The following PTPRM variants were observed in gnomAD, a reference collection of about 807,000 sequenced individuals.
The protein encoded by PTPRM is receptor-type tyrosine-protein phosphatase mu.
Under a neutral mutation model 186.7 loss-of-function variants are expected in PTPRM, and 47 were observed. The ratio of observed to expected loss-of-function variants is 0.25; its 90% CI spans 0.20 to 0.32. The LOEUF (loss-of-function observed/expected upper bound fraction) is 0.32. Ranked by LOEUF, PTPRM falls within the 10% of genes least tolerant of loss-of-function variation. The pLI, the probability that PTPRM is intolerant of heterozygous loss-of-function variation, is 1.00. For missense variants in PTPRM, 1,494 were observed against 1,865.0 expected, an observed-to-expected ratio of 0.80 and a Z score of 3.66; for synonymous variants, 668 against 674.9, an observed-to-expected ratio of 0.99 and a Z score of 0.16.
At chr18:8,306,894 C>T (rs1038811517) in intron 20 of PTPRM, among the ~76,000 whole-genome samples, 1 of 152,108 alleles carries the variant, frequency 6.6e-6, no homozygotes, top group Non-Finnish European at 1.5e-5. Context: ...TCAAGAGTAC[C>T]CCAAGGAATA....
intron 24 of PTPRM, chr18:8,371,669 A>T: frequency 6.5e-6 from 1 of 152,814 alleles, no homozygotes; most frequent in Non-Finnish European, 1.5e-5. Flanking sequence ...GCCCTGCCTC[A>T]TCCCATGTGC....
At chr18:7,717,914 C>A (rs1023924693) in intron 1 of PTPRM, among the ~76,000 whole-genome samples, 2 of 152,134 alleles carry the variant, frequency 1.3e-5, no homozygotes, top group African/African-American at 4.8e-5. Context: ...ACTCCAGTTC[C>A]CGCACCTGTT....
intron 14 of PTPRM, among the ~76,000 whole-genome samples, chr18:8,222,979 T>C (rs4563098): frequency 0.31 from 47,116 of 151,892 alleles, 8,539 homozygotes; most frequent in East Asian, 0.71. Context: ...TCCCAACTCT[T>C]TGGGAGGCTG....
chr18:7,910,268 A>G (rs932543956), intron 4 of PTPRM, among the ~76,000 whole-genome samples: 2 of 152,198 alleles, frequency 1.3e-5, no homozygotes, highest in African/African-American at 2.4e-5. Context: ...CCCACTACCC[A>G]TTAATAGTCA....
chr18:7,761,323 T>A (rs1027252972), intron 1 of PTPRM, among the ~76,000 whole-genome samples: 7 of 152,218 alleles, frequency 4.6e-5, no homozygotes, highest in Non-Finnish European at 1.0e-4. Context: ...ATTAACTACT[T>A]GTATGTTTCA....
At position 8,244,164 on chromosome 18, in the gene PTPRM, G is replaced by A. The variant is rs754414099; in HGVS notation, c.2407G>A (p.Asp803Asn). The change falls in exon 15 of 33, where the codon GAC (aspartate) becomes AAC (asparagine). Residue 803 changes from aspartate to asparagine, a missense_variant. Physicochemically the swap from Asp to Asn is conservative, Grantham distance 23. Around this residue, in one of 3 missense-constraint regions of PTPRM, gnomAD observed 1,107 missense variants for 1,350.2 expected, o/e 0.82. Coordinates refer to ENST00000580170, the MANE Select transcript of PTPRM (RefSeq NM_001105244.2). ...KSYAEQGTNCDEAFSFMDTHN... is the reference protein window; with the variant it reads ...KSYAEQGTNCNEAFSFMDTHN... ...CTATGCTGAGCAGGGCACAAACTGC[G>A]ACGAGGCTTTCTCATTCATGGACAC... The A allele has an allele frequency of 1.3e-5, 21 of 1,597,110 alleles. No homozygotes were observed. In the South Asian group the frequency reaches 2.0e-4, roughly 15 times the overall value.
intron 1 of PTPRM, among the ~76,000 whole-genome samples, chr18:7,574,033 A>G (rs1057263522): frequency 2.0e-5 from 3 of 152,176 alleles, no homozygotes; most frequent in Non-Finnish European, 2.9e-5. Context: ...CAAGCCCCCC[A>G]TGGGATTCTG....
chr18:7,593,977 C>G (rs980887154), intron 1 of PTPRM, among the ~76,000 whole-genome samples: 1 of 151,924 alleles, frequency 6.6e-6, no homozygotes. Context: ...TTCTTAGGTC[C>G]GATGTAATAT....
chr18:8,253,789 A>T (rs1011514969), intron 19 of PTPRM, among the ~76,000 whole-genome samples: 1 of 152,168 alleles, frequency 6.6e-6, no homozygotes, highest in Non-Finnish European at 1.5e-5. Flanking sequence ...TGATAGTAAA[A>T]CTTGTTACCA....
Position 7,860,811 on chromosome 18 carries a change from G to A in PTPRM, c.197-27295G>A, listed in dbSNP as rs557006768. 5.9e-5 allele frequency among the ~76,000 whole-genome samples: 9 copies of A among 152,248 alleles called. No homozygotes were observed. The South Asian group carries it at 1.9e-3, about 32-fold the overall frequency. On this transcript the variant is annotated intron_variant, in intron 2 of 32. Transcript: ENST00000580170. The stretch of plus-strand genomic sequence containing the variant: ...GGGGATTGTGATGCTCTTGAGCAAG[G>A]TAGAGGCCCACTCCCTACTCTGTCT...
At chr18:8,149,408 C>T (rs139335397) in intron 14 of PTPRM, among the ~76,000 whole-genome samples, 1 of 151,992 alleles carries the variant, frequency 6.6e-6, no homozygotes, top group African/African-American at 2.4e-5. Flanking sequence ...TTATGTAATG[C>T]CCTTCTTTGT....
intron 13 of PTPRM, among the ~76,000 whole-genome samples, chr18:8,129,929 T>A (rs1940108547): frequency 6.6e-6 from 1 of 152,112 alleles, no homozygotes; most frequent in African/African-American, 2.4e-5. Context: ...AAAAGCACAG[T>A]CCTTAGAGGA....
At chr18:8,313,968 TAGCC>T (rs2095288879) in intron 20 of PTPRM, among the ~76,000 whole-genome samples, 1 of 152,044 alleles carries the variant, frequency 6.6e-6, no homozygotes, top group African/African-American at 2.4e-5. Flanking sequence ...GTGGGCAACA[TAGCC>T]AGACCCCATT....
chr18:8,069,108 T>C (rs1350386284), intron 7 of PTPRM, among the ~76,000 whole-genome samples: 1 of 26,618 alleles, frequency 3.8e-5, no homozygotes, highest in Non-Finnish European at 6.4e-5. Context: ...AGACTCCGTC[T>C]CAAAAAAAAA....
intron 7 of PTPRM, among the ~76,000 whole-genome samples, chr18:8,048,771 A>T (rs1221084226): frequency 6.6e-6 from 1 of 152,198 alleles, no homozygotes; most frequent in Non-Finnish European, 1.5e-5. Context: ...ACAGGTAAAA[A>T]TATTTTAAGT....
At chr18:8,160,812 G>T (rs1294721421) in intron 14 of PTPRM, among the ~76,000 whole-genome samples, 2 of 152,198 alleles carry the variant, frequency 1.3e-5, no homozygotes, top group African/African-American at 2.4e-5. Flanking sequence ...CTCCAAGGGT[G>T]TTTGATAAGC....
At chr18:7,842,725 C>G (rs2046382944) in intron 2 of PTPRM, among the ~76,000 whole-genome samples, 1 of 151,584 alleles carries the variant, frequency 6.6e-6, no homozygotes, top group East Asian at 1.9e-4. Flanking sequence ...TTTGGACTTG[C>G]CAGCCCCACC....
intron 19 of PTPRM, among the ~76,000 whole-genome samples, chr18:8,265,386 A>G (rs2094688017): frequency 6.6e-6 from 1 of 152,214 alleles, no homozygotes; most frequent in Non-Finnish European, 1.5e-5. Flanking sequence ...AGCTCTTGAG[A>G]GCCGTAGATT....
intron 1 of PTPRM, among the ~76,000 whole-genome samples, chr18:7,667,616 CT>C (rs2039125993): frequency 6.6e-6 from 1 of 152,132 alleles, no homozygotes; most frequent in African/African-American, 2.4e-5. Context: ...CTTTTTAGAA[CT>C]TTAATGAATT....
Sources: allele counts gnomAD v4.1 joint callset (sites outside exome capture counted in the v4.1 genomes callset), GRCh38; gene constraint gnomAD v4.1.1; regional missense constraint gnomAD v4.1.1; transcripts MANE v1.5; gene names NCBI Gene and HGNC (gene_info 2026-07-23, HGNC 2026-07-21).